RAD54L2: variants seen among roughly 807,000 people sequenced by gnomAD.
RAD54L2 encodes helicase ARIP4.
A neutral mutation model predicts 138.4 loss-of-function variants in RAD54L2; 27 were observed. The ratio of observed to expected loss-of-function variants is 0.20; its 90% CI spans 0.14 to 0.27. RAD54L2 has a LOEUF of 0.27. Ranked by LOEUF, RAD54L2 falls within the 10% of genes least tolerant of loss-of-function variation. The pLI, the probability that RAD54L2 is intolerant of heterozygous loss-of-function variation, is 1.00. For missense variants in RAD54L2, 1,396 were observed against 1,890.2 expected (o/e 0.74, Z 4.85); for synonymous variants, 644 against 723.2 (o/e 0.89, Z 1.76).
rs934071491 is a variant in RAD54L2 at position 51,666,034 on chromosome 3, T to A, written c.*2614T>A. On this transcript the variant is annotated 3_prime_UTR_variant, in exon 23 of 23. Transcript: ENST00000684192. Reference sequence around the variant, plus strand: ...CAGTGTTCCAGGGACTGGGTCTTGCTTCTACTCAGCAGAGGCCATCATTCT... The same window carrying A: ...CAGTGTTCCAGGGACTGGGTCTTGCATCTACTCAGCAGAGGCCATCATTCT... The A allele has an allele frequency of 1.3e-5, 2 of 152,154 alleles. No individual in the cohort carries two copies. Among genetic ancestry groups the A allele is most frequent in the Admixed American group, 1.3e-4 (2 of 15,276 alleles). 9.4% of individuals were successfully genotyped at this position (152,154 alleles called of 1,614,324 possible).
At position 51,643,870 on chromosome 3, in the gene RAD54L2, C is replaced by T. The variant is rs1333184611; in HGVS notation, c.2351-5C>T. The T allele has an allele frequency of 6.3e-7, 1 of 1,597,530 alleles. No homozygotes were observed. The highest frequency in any genetic ancestry group is 1.1e-5 in the South Asian group (1 of 88,108). On this transcript the variant is annotated splice_polypyrimidine_tract_variant and splice_region_variant and intron_variant, in intron 15 of 22. Coordinates refer to ENST00000684192, the MANE Select transcript of RAD54L2 (RefSeq NM_015106.4). ...CCACTGCTTATGGTTTTCCTTCCTTCCTAGGGCTAGATGGTAGCACCCCTG... is the reference window on the plus strand; with the variant it reads ...CCACTGCTTATGGTTTTCCTTCCTTTCTAGGGCTAGATGGTAGCACCCCTG...
At chr3:51,654,652 T>C (rs1401507451) in intron 19 of RAD54L2, among the ~76,000 whole-genome samples, 1 of 152,206 alleles carries the variant, frequency 6.6e-6, no homozygotes, top group African/African-American at 2.4e-5. Context: ...CCCCTCTTTT[T>C]TGGGCTTTTC....
intron 12 of RAD54L2, chr3:51,639,072 A>G (rs2106813809): frequency 3.6e-6 from 1 of 277,354 alleles, no homozygotes; most frequent in Non-Finnish European, 6.9e-6. Context: ...CTATAGTTTT[A>G]TACAGTAGCA....
At position 51,569,387 on chromosome 3, in the gene RAD54L2, AT is replaced by A. The variant is rs1024949196; in HGVS notation, c.-54-20967del. Among the ~76,000 whole-genome samples the A allele has an allele frequency of 6.6e-4, 95 of 144,312 alleles. 1 individual carries two copies. The highest frequency in any genetic ancestry group is 3.7e-3 in the Middle Eastern group (1 of 272). 94.7% of individuals were successfully genotyped at this position (144,312 alleles called of 152,430 possible). A position where few individuals can be genotyped will look rare whatever the true frequency, so the allele number is the denominator to read the frequency against. On this transcript the variant is annotated intron_variant, in intron 2 of 22. Transcript: ENST00000684192. ...CCAAAATGGTATTTTTGTTGATTCT[AT>A]TTTTTTTTTTTTCTAGACGGAGTCT...
At chr3:51,647,907 T>G (rs1701326767) in intron 19 of RAD54L2, among the ~76,000 whole-genome samples, 1 of 152,166 alleles carries the variant, frequency 6.6e-6, no homozygotes, top group Non-Finnish European at 1.5e-5. Flanking sequence ...TTTCTGCATT[T>G]CCAACTGAGG....
intron 3 of RAD54L2, among the ~76,000 whole-genome samples, chr3:51,591,549 C>T (rs1231256505): frequency 6.6e-6 from 1 of 152,142 alleles, no homozygotes; most frequent in Non-Finnish European, 1.5e-5. Flanking sequence ...TCCGTTTGCC[C>T]TCCTTTATAC....
At chr3:51,561,053 C>T (rs969850713) in intron 2 of RAD54L2, among the ~76,000 whole-genome samples, 2 of 152,192 alleles carry the variant, frequency 1.3e-5, no homozygotes, top group Non-Finnish European at 2.9e-5. Flanking sequence ...TACCATTCTG[C>T]TCTTGCTTGG....
chr3:51,639,100 G>A (rs1270511597), intron 12 of RAD54L2: 4 of 348,418 alleles, frequency 1.1e-5, no homozygotes, highest in Non-Finnish European at 2.1e-5. Context: ...GCCACACTGT[G>A]AAACTGGAAC....
At chr3:51,604,169 G>A (rs1047984484) in intron 3 of RAD54L2, among the ~76,000 whole-genome samples, 1 of 152,114 alleles carries the variant, frequency 6.6e-6, no homozygotes, top group Non-Finnish European at 1.5e-5. Context: ...CATGGTATTT[G>A]GACTGATAAA....
chr3:51,573,350 C>T (rs982509649), intron 2 of RAD54L2, among the ~76,000 whole-genome samples: 2 of 152,114 alleles, frequency 1.3e-5, no homozygotes, highest in Admixed American at 1.3e-4. Context: ...GCCTTTTTAA[C>T]CCTAAGGCAT....
chr3:51,544,537 G>T (rs1371251257), intron 2 of RAD54L2, among the ~76,000 whole-genome samples: 1 of 152,124 alleles, frequency 6.6e-6, no homozygotes, highest in Non-Finnish European at 1.5e-5. Context: ...GTGATTAGTT[G>T]GTTTGGGCCA....
At chr3:51,630,424 C>T (rs957278530) in intron 6 of RAD54L2, 36 bp downstream of exon 6, 15 of 1,560,378 alleles carry the variant, frequency 9.6e-6, no homozygotes, top group Non-Finnish European at 1.3e-5. Flanking sequence ...TTCTTCCGAC[C>T]TGGTGTTCAT....
chr3:51,546,909 G>A (rs1553672407), intron 2 of RAD54L2, among the ~76,000 whole-genome samples: 1 of 151,260 alleles, frequency 6.6e-6, no homozygotes, highest in Non-Finnish European at 1.5e-5. Flanking sequence ...CACGCCTGTA[G>A]TCCCAGCTAC....
intron 3 of RAD54L2, among the ~76,000 whole-genome samples, chr3:51,616,675 A>G (rs1490123336): frequency 3.9e-5 from 6 of 152,102 alleles, no homozygotes; most frequent in African/African-American, 1.4e-4. Flanking sequence ...TAAAAATAGA[A>G]AAATTAGCTG....
intron 2 of RAD54L2, among the ~76,000 whole-genome samples, chr3:51,589,011 C>T (rs1308487052): frequency 6.6e-6 from 1 of 152,134 alleles, no homozygotes; most frequent in Non-Finnish European, 1.5e-5. Context: ...TGCCACACAC[C>T]AGCCCTAAGT....
chr3:51,573,804 T>C (rs1699397306), intron 2 of RAD54L2, among the ~76,000 whole-genome samples: 1 of 152,198 alleles, frequency 6.6e-6, no homozygotes, highest in African/African-American at 2.4e-5. Flanking sequence ...AAGAAATTTT[T>C]ATTTTCTTCC....
chr3:51,547,828 C>T (rs1039335616), intron 2 of RAD54L2, among the ~76,000 whole-genome samples: 5 of 152,076 alleles, frequency 3.3e-5, no homozygotes, highest in South Asian at 2.1e-4. Flanking sequence ...GCGATTCACC[C>T]GCCTTGGCCT....
At chr3:51,552,561 CTTTTTTTTTT>C (rs58505964) in intron 2 of RAD54L2, among the ~76,000 whole-genome samples, 1 of 106,752 alleles carries the variant, frequency 9.4e-6, no homozygotes, top group African/African-American at 3.9e-5. Flanking sequence ...TGCGCCTGGC[CTTTTTTTTTT>C]TTTTTTTTTT....
rs151097218 is a variant in RAD54L2, at chr3:51,626,546, T to C, written c.140-1007T>C. On this transcript the variant is annotated intron_variant, in intron 3 of 22. Coordinates refer to ENST00000684192, the MANE Select transcript of RAD54L2 (RefSeq NM_015106.4). ...TGCAACCTCCGCCTCCTGGGTTCAA[T>C]TGATGCTCCTGCCTTAGCCTCCCGA... Among the ~76,000 whole-genome samples the C allele has an allele frequency of 9.1e-3, 1,333 of 145,942 alleles. 27 individuals are homozygous for C. Among genetic ancestry groups the C allele is most frequent in the African/African-American group, 0.03 (1,185 of 39,508 alleles).
Sources: allele counts gnomAD v4.1 joint callset (sites outside exome capture counted in the v4.1 genomes callset), GRCh38; gene constraint gnomAD v4.1.1; transcripts MANE v1.5; gene names NCBI Gene and HGNC (gene_info 2026-07-23, HGNC 2026-07-21).